The following NOVA2 variants were observed in gnomAD, a reference collection of about 807,000 sequenced individuals.
The protein encoded by NOVA2 is NOVA alternative splicing regulator 2.
A neutral mutation model predicts 22.5 loss-of-function variants in NOVA2; 9 were observed. The observed-to-expected ratio is 0.40, with a 90% CI of 0.24 to 0.70. The LOEUF is 0.70. Among genes scored for constraint, NOVA2 ranks in the 30% least tolerant of loss-of-function variants. NOVA2 has a pLI of 0.38. For missense variants in NOVA2, 383 were observed against 682.8 expected (o/e 0.56, Z 4.89); for synonymous variants, 318 against 335.2 (o/e 0.95, Z 0.56).
intron 3 of NOVA2, 27 bp downstream of exon 3, chr19:45,953,753 A>G: frequency 6.2e-7 from 1 of 1,613,772 alleles, no homozygotes; most frequent in Non-Finnish European, 8.5e-7. Context: ...ACAGCTTTAC[A>G]GCAACCCAGT....
rs1234330654 is a variant in NOVA2 at position 45,937,795 on chromosome 19, A to G, written c.*2068T>C. ...TCGGGTGGAAGGGCTGGGGTGGGAA[A>G]TTCAGTGCAAGGTACCTCGAAGGCT... is the stretch of plus-strand genomic sequence containing the variant. On this transcript the variant is annotated 3_prime_UTR_variant, in exon 4 of 4. Transcript: ENST00000263257. 1 of 152,144 alleles carries G rather than the reference A, an allele frequency of 6.6e-6. No homozygotes were observed. The highest frequency in any genetic ancestry group is 1.5e-5 in the Non-Finnish European group (1 of 68,030). 9.4% of individuals were successfully genotyped at this position (152,144 alleles called of 1,614,324 possible).
chr19:45,934,025 A>AG lies in NOVA2; in HGVS notation c.*5837dup, dbSNP rs1173188162. 5.9e-5 allele frequency: 9 copies of AG among 152,276 alleles called. No individual in the cohort carries two copies. Among genetic ancestry groups the AG allele is most frequent in the African/African-American group, 2.2e-4 (9 of 41,290 alleles). The allele number at this position is 152,276 out of a possible 1,614,324, so 9.4% of individuals were successfully genotyped here. A position where few individuals can be genotyped will look rare whatever the true frequency, so the allele number is the denominator to read the frequency against. Reference sequence around the variant, plus strand: ...GCAGAGGATGGAAGGAATCAGTTAGAGGGGGTTGAATGGAGGCACTGGAGG... The same window carrying AG: ...GCAGAGGATGGAAGGAATCAGTTAGAGGGGGGTTGAATGGAGGCACTGGAGG... On this transcript the variant is annotated 3_prime_UTR_variant, in exon 4 of 4. Transcript: ENST00000263257.
In NOVA2 at chr19:45,940,604, G is replaced by T. The variant is rs750236958; in HGVS notation, c.738C>A (p.Ala246=). 2.8e-6 allele frequency: 4 copies of T among 1,420,820 alleles called. No individual in the cohort carries two copies. In the Admixed American group the frequency reaches 1.4e-4, roughly 49 times the overall value. The allele number at this position is 1,420,820 out of a possible 1,614,324, so 88.0% of individuals were successfully genotyped here. ...DVLPAAAAAS[A]AAASGLLGPA... ...GGCCCAGCAGGCCGGAGGCGGCGGC[G>T]GCCGACGCTGCGGCCGCGGCTGGCA... Residue 246 remains alanine, a synonymous_variant, in exon 4 of 4, where the codon GCC becomes GCA. Coordinates refer to ENST00000263257, the MANE Select transcript of NOVA2 (RefSeq NM_002516.4).
chr19:45,970,622 C>T (rs1051815522), intron 1 of NOVA2, among the ~76,000 whole-genome samples: 1 of 152,166 alleles, frequency 6.6e-6, no homozygotes, highest in East Asian at 1.9e-4. Flanking sequence ...ATGATCCACC[C>T]GCCTCAGCCT....
intron 3 of NOVA2, 34 bp from the exon 4 acceptor site, chr19:45,940,979 T>C (rs1191360477): frequency 6.5e-7 from 1 of 1,535,816 alleles, no homozygotes; most frequent in East Asian, 2.4e-5. Flanking sequence ...GTCTTTAATT[T>C]TATTTTTTTA....
intron 1 of NOVA2, among the ~76,000 whole-genome samples, chr19:45,964,348 T>TTGTGTGTGTG (rs57818599): frequency 8.4e-6 from 1 of 119,508 alleles, no homozygotes; most frequent in East Asian, 2.5e-4. Flanking sequence ...CCCGGCTAAT[T>TTGTGTGTGTG]TGTGTGTGTG....
At chr19:45,967,969 A>G (rs1968187827) in intron 1 of NOVA2, 1 of 151,894 alleles carries the variant, frequency 6.6e-6, no homozygotes, top group African/African-American at 2.4e-5. Context: ...AAATCAGCCA[A>G]TACTCCCTTC....
intron 2 of NOVA2, among the ~76,000 whole-genome samples, chr19:45,957,640 G>A (rs951292803): frequency 3.3e-5 from 5 of 152,168 alleles, no homozygotes; most frequent in African/African-American, 1.2e-4. Flanking sequence ...GGAGGTTGAG[G>A]TTGCAGCGAG....
intron 1 of NOVA2, among the ~76,000 whole-genome samples, chr19:45,964,348 TTG>T (rs57818599): frequency 0.13 from 15,548 of 119,116 alleles, 960 homozygotes; most frequent in South Asian, 0.2. Flanking sequence ...CCCGGCTAAT[TTG>T]TGTGTGTGTG....
intron 3 of NOVA2, among the ~76,000 whole-genome samples, chr19:45,952,179 A>G (rs886592185): frequency 7.9e-5 from 12 of 152,218 alleles, no homozygotes; most frequent in African/African-American, 2.7e-4. Context: ...TCCCATAATA[A>G]CAACAGAGAA....
rs1967623694 is a variant in NOVA2 at position 45,933,787 on chromosome 19, G to A, written c.*6076C>T. The A allele has an allele frequency of 6.6e-6, 1 of 151,686 alleles. No individual in the cohort carries two copies. The highest frequency in any genetic ancestry group is 2.1e-4 in the South Asian group (1 of 4,806). 9.4% of individuals were successfully genotyped at this position (151,686 alleles called of 1,614,324 possible). Reference sequence around the variant, plus strand: ...AAAGGTGAAGTCGCCGAGGGGAAAGGGGTGGGGAAAGGGGGTGTGGTGGGG... The same window carrying A: ...AAAGGTGAAGTCGCCGAGGGGAAAGAGGTGGGGAAAGGGGGTGTGGTGGGG... On this transcript the variant is annotated 3_prime_UTR_variant, in exon 4 of 4. Transcript: ENST00000263257.
At position 45,973,741 on chromosome 19, in the gene NOVA2, T is replaced by A. The variant is rs926669509; in HGVS notation, c.-390A>T. Among the ~76,000 whole-genome samples, 2 of 147,202 alleles carry A rather than the reference T, an allele frequency of 1.4e-5. No individual in the cohort carries two copies. Among genetic ancestry groups the A allele is most frequent in the African/African-American group, 5.0e-5 (2 of 39,716 alleles). On this transcript the variant is annotated 5_prime_UTR_variant, in exon 1 of 4. Transcript: ENST00000263257. ...TGGCAGGGCCGAGGGGGGTCTCCGA[T>A]AGGGCCGGGAAAGAACTGAGAGGTG... is the stretch of plus-strand genomic sequence containing the variant.
In NOVA2 at chr19:45,939,830, G is replaced by A. The variant is rs772864620; in HGVS notation, c.*33C>T. 6.2e-7 allele frequency: 1 copy of A among 1,612,074 alleles called. No individual in the cohort carries two copies. The highest frequency in any genetic ancestry group is 1.1e-5 in the South Asian group (1 of 90,972). ...GAGAGGGAAGAGGAGGAGATGGGAG[G>A]AGAGAAAAGGGTGGGAGCACACACC... On this transcript the variant is annotated 3_prime_UTR_variant, in exon 4 of 4. Coordinates refer to ENST00000263257, the MANE Select transcript of NOVA2 (RefSeq NM_002516.4).
chr19:45,958,134 G>T (rs200510574), intron 2 of NOVA2, among the ~76,000 whole-genome samples: 15 of 136,612 alleles, frequency 1.1e-4, no homozygotes, highest in African/African-American at 3.5e-4. Flanking sequence ...AAAAAAAATA[G>T]AATCCTCAGG....
chr19:45,960,822 A>T (rs951917500), intron 2 of NOVA2, among the ~76,000 whole-genome samples, 188 bp downstream of exon 2: 1 of 151,472 alleles, frequency 6.6e-6, no homozygotes, highest in East Asian at 1.9e-4. Context: ...CCCTGCCCCC[A>T]CCCCCATCTG....
At chr19:45,948,050 T>C (rs1967867819) in intron 3 of NOVA2, among the ~76,000 whole-genome samples, 1 of 152,120 alleles carries the variant, frequency 6.6e-6, no homozygotes, top group Non-Finnish European at 1.5e-5. Flanking sequence ...TTAATTGAGC[T>C]TATGCATGTA....
At chr19:45,959,326 A>G (rs2146421343) in intron 2 of NOVA2, among the ~76,000 whole-genome samples, 1 of 152,240 alleles carries the variant, frequency 6.6e-6, no homozygotes, top group East Asian at 1.9e-4. Flanking sequence ...GGCTGACCAC[A>G]TGTCCAGGGG....
chr19:45,953,739 G>A, intron 3 of NOVA2, 41 bp downstream of exon 3: 1 of 1,611,302 alleles, frequency 6.2e-7, no homozygotes, highest in Non-Finnish European at 8.5e-7. Context: ...CTTTGTGAAT[G>A]TCAACAGCTT....
chr19:45,937,420 TGGGGGGCTGTA>T lies in NOVA2; in HGVS notation c.*2432_*2442del, dbSNP rs1967671142. On this transcript the variant is annotated 3_prime_UTR_variant, in exon 4 of 4. Coordinates refer to ENST00000263257, the MANE Select transcript of NOVA2 (RefSeq NM_002516.4). ...GCTCCTTCCCTTCCTCATAGGGTCC[TGGGGGGCTGTA>T]GGGGGATATTCCAGCTAGATACTGT... The T allele has an allele frequency of 6.6e-6, 1 of 152,554 alleles. No homozygotes were observed. Among genetic ancestry groups the T allele is most frequent in the East Asian group, 1.9e-4 (1 of 5,196 alleles). 9.5% of individuals were successfully genotyped at this position (152,554 alleles called of 1,614,324 possible). A position where few individuals can be genotyped will look rare whatever the true frequency, so the allele number is the denominator to read the frequency against.
Sources: gnomAD v4.1 joint callset for allele counts (sites outside exome capture counted in the v4.1 genomes callset) on GRCh38, gnomAD v4.1.1 for gene constraint, MANE v1.5 for transcripts, NCBI Gene and HGNC (gene_info 2026-07-23, HGNC 2026-07-21) for gene names.